Variants in CD274 observed in about 807,000 individuals in gnomAD.
CD274 encodes CD274 molecule, also known as programmed cell death 1 ligand 1.
CD274 carries 8 observed loss-of-function variants against 30.1 expected under a neutral mutation model. The ratio of observed to expected loss-of-function variants is 0.27; its 90% CI spans 0.16 to 0.48. The LOEUF (loss-of-function observed/expected upper bound fraction) is 0.48, where lower values mean the gene tolerates loss of function less well. Among genes scored for constraint, CD274 ranks in the 20% least tolerant of loss-of-function variants. CD274 has a pLI of 0.99. For synonymous variants in CD274, 152 were observed against 124.6 expected (o/e 1.22, Z -1.46); for missense variants, 353 against 346.6 (o/e 1.02, Z -0.15).
chr9:5,456,216 A>C, intron 2 of CD274, 51 bp downstream of exon 2: 1 of 1,212,894 alleles, frequency 8.2e-7, no homozygotes, highest in South Asian at 1.3e-5. Context: ...TATTTTAACC[A>C]TGAGTTTAAA....
rs2131238837 is a variant in CD274, at chr9:5,469,805, G to A, written c.*1943G>A. 4.3e-6 allele frequency: 1 copy of A among 233,010 alleles called. No individual in the cohort carries two copies. Among genetic ancestry groups the A allele is most frequent in the African/African-American group, 2.2e-5 (1 of 45,450 alleles). The allele number at this position is 233,010 out of a possible 1,614,324, so 14.4% of individuals were successfully genotyped here. On this transcript the variant is annotated 3_prime_UTR_variant, in exon 7 of 7. Coordinates refer to ENST00000381577, the MANE Select transcript of CD274 (RefSeq NM_014143.4). ...CCATGGGCTCTCCAGGGTGCACTGA[G>A]TCAATCTAGTCCTAAAAAGCAATCT...
intron 3 of CD274, among the ~76,000 whole-genome samples, chr9:5,460,171 G>A (rs1586765288): frequency 6.6e-6 from 1 of 152,060 alleles, no homozygotes; most frequent in Admixed American, 6.6e-5. Flanking sequence ...AATAGGATTA[G>A]CCTAAAATTT....
At chr9:5,465,423 ATGACCATTCTCC>A (rs1819480269) in intron 4 of CD274, 64 bp from the exon 5 acceptor site, 2 of 815,620 alleles carry the variant, frequency 2.5e-6, no homozygotes, top group Admixed American at 3.9e-5. Flanking sequence ...AACTTCAAGG[ATGACCATTCTCC>A]TGACCCCTTC....
intron 3 of CD274, among the ~76,000 whole-genome samples, chr9:5,459,707 T>G (rs774896661): frequency 1.4e-4 from 21 of 152,370 alleles, no homozygotes; most frequent in Admixed American, 4.6e-4. Context: ...CTCAGGCCAC[T>G]AACTTTCAAT....
At chr9:5,452,299 G>A (rs1819220922) in intron 1 of CD274, among the ~76,000 whole-genome samples, 1 of 152,196 alleles carries the variant, frequency 6.6e-6, no homozygotes, top group Non-Finnish European at 1.5e-5. Flanking sequence ...TTACAGGCAT[G>A]AGCCACTGCT....
intron 1 of CD274, among the ~76,000 whole-genome samples, chr9:5,455,391 G>A (rs559660712): frequency 3.3e-4 from 51 of 152,306 alleles, no homozygotes; most frequent in African/African-American, 1.1e-3. Context: ...CAAGCAGGAT[G>A]ACTAAATGAA....
rs1819547029 is a variant in CD274, at chr9:5,469,225, T to C, written c.*1363T>C. 4.3e-6 allele frequency: 1 copy of C among 232,906 alleles called. No homozygotes were observed. 14.4% of individuals were successfully genotyped at this position (232,906 alleles called of 1,614,324 possible). A position where few individuals can be genotyped will look rare whatever the true frequency, so the allele number is the denominator to read the frequency against. ...ATTATATTTATTCCTGATTTGCCTT[T>C]GCCATATAATCTAATGCTTGTTTAT... On this transcript the variant is annotated 3_prime_UTR_variant, in exon 7 of 7. Coordinates refer to ENST00000381577, the MANE Select transcript of CD274 (RefSeq NM_014143.4).
At chr9:5,453,745 T>G (rs758415392) in intron 1 of CD274, among the ~76,000 whole-genome samples, 2 of 152,236 alleles carry the variant, frequency 1.3e-5, no homozygotes, top group South Asian at 2.1e-4. Flanking sequence ...TACACTGAAA[T>G]GTTTTTTGCT....
In CD274 at chr9:5,469,828, T is replaced by A. The variant is rs561085510; in HGVS notation, c.*1966T>A. ...GAGTCAATCTAGTCCTAAAAAGCAA[T>A]CTTATTATTAACTCTGTATGACAGA... On this transcript the variant is annotated 3_prime_UTR_variant, in exon 7 of 7. Coordinates refer to ENST00000381577, the MANE Select transcript of CD274 (RefSeq NM_014143.4). The A allele has an allele frequency of 4.7e-5, 11 of 233,046 alleles. No homozygotes were observed. Among genetic ancestry groups the A allele is most frequent in the African/African-American group, 2.4e-4 (11 of 45,440 alleles). 14.4% of individuals were successfully genotyped at this position (233,046 alleles called of 1,614,324 possible).
At chr9:5,466,717 A>G (rs2131232654) in intron 5 of CD274, 53 bp from the exon 6 acceptor site, 5 of 1,332,672 alleles carry the variant, frequency 3.8e-6, no homozygotes, top group Non-Finnish European at 5.3e-6. Flanking sequence ...GGGTCACTGT[A>G]TGGGATGTAG....
At chr9:5,457,494 T>G (rs1411659408) in intron 3 of CD274, 74 bp downstream of exon 3, 9 of 1,166,760 alleles carry the variant, frequency 7.7e-6, no homozygotes, top group Non-Finnish European at 1.1e-5. Flanking sequence ...TTTTCATTCT[T>G]GTAAGTCCAT....
chr9:5,451,147 A>T (rs538613985), intron 1 of CD274, among the ~76,000 whole-genome samples: 1 of 152,376 alleles, frequency 6.6e-6, no homozygotes, highest in Non-Finnish European at 1.5e-5. Flanking sequence ...AACATTTCTT[A>T]GACACATTGA....
intron 6 of CD274, among the ~76,000 whole-genome samples, chr9:5,467,262 A>G (rs975385854): frequency 7.9e-5 from 12 of 152,128 alleles, no homozygotes; most frequent in African/African-American, 2.9e-4. Flanking sequence ...ACAGTAGAGA[A>G]AACAGAGGGT....
intron 5 of CD274, among the ~76,000 whole-genome samples, chr9:5,466,151 C>T (rs1819494770): frequency 6.6e-6 from 1 of 152,082 alleles, no homozygotes; most frequent in African/African-American, 2.4e-5. Flanking sequence ...GTAAATAATT[C>T]CTCCAATACT....
chr9:5,466,725 T>C (rs747819714), intron 5 of CD274, 45 bp from the exon 6 acceptor site: 2 of 1,424,994 alleles, frequency 1.4e-6, no homozygotes, highest in East Asian at 2.3e-5. Context: ...GTATGGGATG[T>C]AGAGCTGTGC....
Position 5,457,428 on chromosome 9 carries a change from T to G in CD274, c.394+8T>G. 1.2e-6 allele frequency: 2 copies of G among 1,605,844 alleles called. No homozygotes were observed. Among genetic ancestry groups the G allele is most frequent in the Non-Finnish European group, 1.7e-6 (2 of 1,172,800 alleles). On this transcript the variant is annotated splice_region_variant and intron_variant, in intron 3 of 6. Transcript: ENST00000381577. ...TTACTGTGAAAGTCAATGGTAAGAA[T>G]TATTATAGATGAGAGGCCTGATCTT...
intron 3 of CD274, 72 bp downstream of exon 3, chr9:5,457,492 C>A: frequency 8.4e-7 from 1 of 1,188,338 alleles, no homozygotes; most frequent in Non-Finnish European, 1.2e-6. Flanking sequence ...ACTTTTCATT[C>A]TTGTAAGTCC....
At chr9:5,461,246 G>C (rs892119165) in intron 3 of CD274, among the ~76,000 whole-genome samples, 1 of 152,070 alleles carries the variant, frequency 6.6e-6, no homozygotes, top group African/African-American at 2.4e-5. Flanking sequence ...TTTCCTCTGG[G>C]TTGTGCTTGA....
chr9:5,453,988 C>A (rs1410920707), intron 1 of CD274, among the ~76,000 whole-genome samples: 1 of 152,104 alleles, frequency 6.6e-6, no homozygotes, highest in African/African-American at 2.4e-5. Context: ...GGGGATTTTC[C>A]CCTTCTTTTC....
Sources: allele counts gnomAD v4.1 joint callset (sites outside exome capture counted in the v4.1 genomes callset), GRCh38; gene constraint gnomAD v4.1.1; transcripts MANE v1.5; gene names NCBI Gene and HGNC (gene_info 2026-07-23, HGNC 2026-07-21).